CLSTN1: variants seen among roughly 807,000 people sequenced by gnomAD.
CLSTN1 encodes the protein calsyntenin 1.
In CLSTN1, 28 loss-of-function variants were observed where a neutral mutation model predicts 108.3. That is an observed-to-expected ratio of 0.26 (90% CI 0.19 to 0.35). The LOEUF (loss-of-function observed/expected upper bound fraction) is 0.35. Among genes scored for constraint, CLSTN1 ranks in the 10% least tolerant of loss-of-function variants. The pLI is 1.00. For missense variants in CLSTN1, 1,157 were observed against 1,302.6 expected (o/e 0.89, Z 1.72); for synonymous variants, 524 against 534.9 (o/e 0.98, Z 0.28).
chr1:9,773,880 G>A (rs1652807835), intron 1 of CLSTN1, among the ~76,000 whole-genome samples: 1 of 151,448 alleles, frequency 6.6e-6, no homozygotes, highest in Non-Finnish European at 1.5e-5. Context: ...CTATGTGTGT[G>A]CACCACCATA....
chr1:9,748,451 C>G (rs1383313884), intron 7 of CLSTN1, among the ~76,000 whole-genome samples: 2 of 152,116 alleles, frequency 1.3e-5, no homozygotes, highest in East Asian at 3.8e-4. Flanking sequence ...TGATTTTCTA[C>G]TTCATGTTTG....
chr1:9,737,062 G>A (rs1482443371), intron 11 of CLSTN1, among the ~76,000 whole-genome samples: 2 of 151,590 alleles, frequency 1.3e-5, no homozygotes, highest in African/African-American at 2.4e-5. Flanking sequence ...AACAGAGCGG[G>A]ACTCCATCTC....
intron 1 of CLSTN1, among the ~76,000 whole-genome samples, chr1:9,774,730 C>T (rs571305917): frequency 5.3e-4 from 81 of 151,530 alleles, no homozygotes; most frequent in Admixed American, 2.1e-3. Context: ...AGTAAGAATT[C>T]GGGGCAAGTC....
In CLSTN1 at chr1:9,773,321, G is replaced by T; in HGVS notation, c.165C>A (p.Leu55=). 7 of 1,614,146 alleles carry T rather than the reference G, an allele frequency of 4.3e-6. No individual in the cohort carries two copies. Among genetic ancestry groups the T allele is most frequent in the Non-Finnish European group, 5.9e-6 (7 of 1,180,042 alleles). ...IVTENDNTVL[L]DPPLIALDKD... ...TATCCAGCGCGATCAGTGGGGGGTC[G>T]AGGAGCACGGTGTTGTCGTTCTCTG... Residue 55 remains leucine (L), a synonymous_variant, in exon 2 of 19, where the codon CTC becomes CTA. Coordinates refer to ENST00000377298, the MANE Select transcript of CLSTN1 (RefSeq NM_001009566.3).
chr1:9,764,920 C>T lies in CLSTN1; in HGVS notation c.214+8352G>A, dbSNP rs79043367. Among the ~76,000 whole-genome samples the T allele has an allele frequency of 6.2e-3, 944 of 152,248 alleles. 13 individuals carry two copies. Among genetic ancestry groups the T allele is most frequent in the African/African-American group, 0.021 (893 of 41,548 alleles). ...TAATCATTACTGATCCCAAACTCTT[C>T]CTGGGTGGTGTCTACATCCAAAATG... On this transcript the variant is annotated intron_variant, in intron 2 of 18. Transcript: ENST00000377298.
rs111285801 is a variant in CLSTN1 at position 9,734,499 on chromosome 1, C to G, written c.2111-357G>C. On this transcript the variant is annotated intron_variant, in intron 14 of 18. Coordinates refer to ENST00000377298, the MANE Select transcript of CLSTN1 (RefSeq NM_001009566.3). The surrounding 1 kb of genome is among the most constrained non-coding windows in gnomAD (Gnocchi z 4.8). Reference sequence around the variant, plus strand: ...CTGAGGCAGGAGAATCGCTTGAACTCAGGAGGTGGATGCTGCAGTTAGCCA... The same window carrying G: ...CTGAGGCAGGAGAATCGCTTGAACTGAGGAGGTGGATGCTGCAGTTAGCCA... Among the ~76,000 whole-genome samples the G allele has an allele frequency of 3.3e-5, 5 of 151,256 alleles. No homozygotes were observed. The highest frequency in any genetic ancestry group is 1.2e-4 in the African/African-American group (5 of 41,138).
rs115809340 is a variant in CLSTN1, at chr1:9,745,694, T to G, written c.986-1051A>C. 4.5e-3 allele frequency among the ~76,000 whole-genome samples: 679 copies of G among 151,926 alleles called. 3 individuals carry two copies. Among genetic ancestry groups the G allele is most frequent in the African/African-American group, 0.015 (602 of 41,410 alleles). ...ATACAATAAAAGTGGAGTCCTGCTA[T>G]GTATGTGCATAATACATATATATTC... On this transcript the variant is annotated intron_variant, in intron 7 of 18. Coordinates refer to ENST00000377298, the MANE Select transcript of CLSTN1 (RefSeq NM_001009566.3).
intron 1 of CLSTN1, among the ~76,000 whole-genome samples, chr1:9,792,908 G>A (rs900368365): frequency 6.6e-6 from 1 of 151,334 alleles, no homozygotes; most frequent in African/African-American, 2.4e-5. Flanking sequence ...AGTGAGAAGG[G>A]GGCAGGGGAA....
rs1180718505 is a variant in CLSTN1 at position 9,729,075 on chromosome 1, A to G, written c.*1433T>C. On this transcript the variant is annotated 3_prime_UTR_variant, in exon 19 of 19. Transcript: ENST00000377298. ...TAGCGGATACACTTTCTGACCTATC[A>G]TGAGTATACACATCTGCGAAGGGAA... 6.6e-6 allele frequency: 1 copy of G among 152,250 alleles called. No individual in the cohort carries two copies. The highest frequency in any genetic ancestry group is 1.5e-5 in the Non-Finnish European group (1 of 68,052). 9.4% of individuals were successfully genotyped at this position (152,250 alleles called of 1,614,324 possible).
Position 9,734,285 on chromosome 1 carries a change from C to T in CLSTN1, c.2111-143G>A. 1.2e-6 allele frequency: 1 copy of T among 803,168 alleles called. No individual in the cohort carries two copies. The highest frequency in any genetic ancestry group is 2.0e-6 in the Non-Finnish European group (1 of 512,368). The allele number at this position is 803,168 out of a possible 1,614,324, so 49.8% of individuals were successfully genotyped here. ...GACAGAAGCAAGCGAGAGTTGCTTTCAAGAAACGGCTGGGCGCAGTGGCTC... is the reference window on the plus strand; with the variant it reads ...GACAGAAGCAAGCGAGAGTTGCTTTTAAGAAACGGCTGGGCGCAGTGGCTC... On this transcript the variant is annotated intron_variant, in intron 14 of 18. Coordinates refer to ENST00000377298, the MANE Select transcript of CLSTN1 (RefSeq NM_001009566.3). The surrounding 1 kb of genome is among the most constrained non-coding windows in gnomAD (Gnocchi z 4.8).
Position 9,736,123 on chromosome 1 carries a change from C to T in CLSTN1, c.1577-81G>A, listed in dbSNP as rs1404735962. ...TCACTTCTCACTCAACACGGTGTTA[C>T]CGGTGCTGGCAGCTCAGTGGATGGA... On this transcript the variant is annotated intron_variant, in intron 11 of 18. Coordinates refer to ENST00000377298, the MANE Select transcript of CLSTN1 (RefSeq NM_001009566.3). 5.8e-6 allele frequency: 9 copies of T among 1,560,088 alleles called. No homozygotes were observed. In the South Asian group the frequency reaches 7.9e-5, roughly 14 times the overall value.
At chr1:9,733,023 T>C (rs1650490851) in intron 16 of CLSTN1, among the ~76,000 whole-genome samples, 1 of 152,034 alleles carries the variant, frequency 6.6e-6, no homozygotes, top group Non-Finnish European at 1.5e-5. Context: ...AGACCTCGTC[T>C]CTAAAAATAA....
intron 18 of CLSTN1, 113 bp downstream of exon 18, chr1:9,731,093 G>A (rs1030394444): frequency 7.9e-7 from 1 of 1,264,738 alleles, no homozygotes. Context: ...GGCTTGCTGA[G>A]CAGATGACGC....
chr1:9,738,134 C>T (rs1271621601), intron 10 of CLSTN1, among the ~76,000 whole-genome samples: 1 of 152,204 alleles, frequency 6.6e-6, no homozygotes, highest in Non-Finnish European at 1.5e-5. Flanking sequence ...TTCTCAATCA[C>T]TTTTTCTGAA....
intron 1 of CLSTN1, among the ~76,000 whole-genome samples, chr1:9,785,955 CGCTTGA>C (rs1242552736): frequency 6.6e-6 from 1 of 151,822 alleles, no homozygotes; most frequent in Non-Finnish European, 1.5e-5. Flanking sequence ...GTGGGTGGAT[CGCTTGA>C]GTTCAGGAGT....
In CLSTN1 at chr1:9,734,130, A is replaced by C. The variant is rs760515594; in HGVS notation, c.2123T>G (p.Leu708Arg). The C allele has an allele frequency of 2.5e-6, 4 of 1,613,976 alleles. No homozygotes were observed. Among genetic ancestry groups the C allele is most frequent in the Non-Finnish European group, 1.7e-6 (2 of 1,180,006 alleles). ...GTCGTGCACGATCTCCTCGGACACC[A>C]GTGATTCTTGAACTGCAAAAGAGGC... Reference protein sequence around the residue: ...GAEDPTVQESLVSEEIVHDLD... With the variant: ...GAEDPTVQESRVSEEIVHDLD... The change falls in exon 15 of 19, where the codon CTG becomes CGG. Residue 708 changes from leucine (L) to arginine (R), a missense_variant. Leu to Arg is a moderately radical substitution (Grantham distance 102). Coordinates refer to ENST00000377298, the MANE Select transcript of CLSTN1 (RefSeq NM_001009566.3). This position sits in a 1 kb window ranked among gnomAD's most constrained non-coding sequence, Gnocchi z 4.8.
At chr1:9,815,167 A>C (rs1654921091) in intron 1 of CLSTN1, among the ~76,000 whole-genome samples, 1 of 152,194 alleles carries the variant, frequency 6.6e-6, no homozygotes, top group South Asian at 2.1e-4. Flanking sequence ...AACAGACTGT[A>C]GGCTTGGATG....
chr1:9,730,613 G>T lies in CLSTN1; in HGVS notation c.2841C>A (p.Ser947Arg), dbSNP rs777490716. Reference protein sequence around the residue: ...EDGEEEDDITSAESESSEEEE... With the variant: ...EDGEEEDDITRAESESSEEEE... The stretch of plus-strand genomic sequence containing the variant: ...CCTCCTCGCTGCTCTCCGACTCGGC[G>T]CTGGTGATGTCATCCTCTTCTTCGC... The change falls in exon 19 of 19, where the codon AGC (serine) becomes AGA (arginine). Residue 947 changes from serine to arginine, a missense_variant. Ser to Arg is a moderately radical substitution (Grantham distance 110). Transcript: ENST00000377298. The surrounding 1 kb of genome is among the most constrained non-coding windows in gnomAD (Gnocchi z 5.6). The T allele has an allele frequency of 1.2e-6, 2 of 1,610,308 alleles. No homozygotes were observed. Among genetic ancestry groups the T allele is most frequent in the South Asian group, 2.2e-5 (2 of 91,076 alleles).
At chr1:9,796,225 G>A (rs112873789) in intron 1 of CLSTN1, among the ~76,000 whole-genome samples, 2,709 of 145,326 alleles carry the variant, frequency 0.019, 101 homozygotes, top group African/African-American at 0.059. Context: ...TCATGCCACC[G>A]CACTCCAGCC....
Sources: allele counts gnomAD v4.1 joint callset (sites outside exome capture counted in the v4.1 genomes callset), GRCh38; gene constraint gnomAD v4.1.1; non-coding constraint Gnocchi (gnomAD v3.1); transcripts MANE v1.5; gene names NCBI Gene and HGNC (gene_info 2026-07-23, HGNC 2026-07-21).